NME7: variants seen among roughly 807,000 people sequenced by gnomAD.
NME7 encodes NME/NM23 family member 7, also known as nucleoside diphosphate kinase 7.
NME7 carries 41 observed loss-of-function variants against 49.1 expected under a neutral mutation model. The observed-to-expected ratio is 0.83, with a 90% CI of 0.65 to 1.08. The LOEUF is 1.08. NME7 is among the 50% of genes least tolerant of loss of function. The pLI, the probability that NME7 is intolerant of heterozygous loss-of-function variation, is 0.00. For synonymous variants in NME7, 139 were observed against 150.6 expected (o/e 0.92, Z 0.56); for missense variants, 423 against 463.4 (o/e 0.91, Z 0.80).
chr1:169,287,977 A>G (rs1440351080), intron 6 of NME7, among the ~76,000 whole-genome samples: 6 of 152,132 alleles, frequency 3.9e-5, no homozygotes, highest in Non-Finnish European at 8.8e-5. Flanking sequence ...CAACAATTTG[A>G]ACTAGCCACA....
At chr1:169,235,227 A>C in intron 8 of NME7, 28 bp from the exon 9 acceptor site, 1 of 1,271,154 alleles carries the variant, frequency 7.9e-7, no homozygotes, top group Non-Finnish European at 1.1e-6. Flanking sequence ...ACAAAACAAA[A>C]CCATAAACCA....
chr1:169,276,214 G>A (rs1308953674), intron 7 of NME7, among the ~76,000 whole-genome samples: 2 of 133,904 alleles, frequency 1.5e-5, no homozygotes, highest in African/African-American at 5.1e-5. Context: ...AATGAGTTAG[G>A]GAGGATTCCC....
intron 1 of NME7, among the ~76,000 whole-genome samples, chr1:169,335,858 G>A (rs1326892188): frequency 2.6e-5 from 4 of 151,230 alleles, no homozygotes; most frequent in African/African-American, 7.3e-5. Context: ...CAAGCCAGCT[G>A]CTTCCAGTAA....
intron 10 of NME7, among the ~76,000 whole-genome samples, chr1:169,214,854 G>A (rs1660931868): frequency 6.6e-6 from 1 of 152,248 alleles, no homozygotes; most frequent in South Asian, 2.1e-4. Context: ...CAAGACCCCA[G>A]AGGGTGTGTT....
At chr1:169,215,080 TA>T (rs768183919) in intron 10 of NME7, among the ~76,000 whole-genome samples, 4 of 152,186 alleles carry the variant, frequency 2.6e-5, no homozygotes, top group Non-Finnish European at 4.4e-5. Context: ...TGAATGCGGA[TA>T]ATTTCACTGA....
At chr1:169,200,397 G>C (rs10800412) in intron 10 of NME7, among the ~76,000 whole-genome samples, 56,356 of 151,898 alleles carry the variant, frequency 0.37, 11,029 homozygotes, top group East Asian at 0.73. Context: ...TAGCCAGTGA[G>C]GGTAAGAGAC....
At chr1:169,321,182 A>T (rs1651839255) in intron 3 of NME7, among the ~76,000 whole-genome samples, 1 of 152,168 alleles carries the variant, frequency 6.6e-6, no homozygotes. Flanking sequence ...AAGAAGGCCA[A>T]ACTCCATCTC....
chr1:169,296,747 A>T (rs1384044520), intron 6 of NME7, among the ~76,000 whole-genome samples: 1 of 140,092 alleles, frequency 7.1e-6, no homozygotes, highest in East Asian at 1.9e-4. Context: ...CCTTCTGATA[A>T]TCAGGCTAAG....
At chr1:169,340,321 G>A (rs1557829865) in intron 1 of NME7, among the ~76,000 whole-genome samples, 1 of 152,182 alleles carries the variant, frequency 6.6e-6, no homozygotes, top group Non-Finnish European at 1.5e-5. Context: ...GCCTTGTGAG[G>A]AAGATGCCTG....
intron 10 of NME7, among the ~76,000 whole-genome samples, chr1:169,182,052 G>A (rs1199384568): frequency 6.6e-6 from 1 of 151,730 alleles, no homozygotes; most frequent in Non-Finnish European, 1.5e-5. Flanking sequence ...TGAGTTGCAG[G>A]CTGGACTATA....
intron 10 of NME7, among the ~76,000 whole-genome samples, chr1:169,223,782 T>TAGAG (rs758112806): frequency 4.0e-5 from 6 of 150,286 alleles, no homozygotes; most frequent in African/African-American, 1.5e-4. Context: ...TGCATATATA[T>TAGAG]ATATAGAGAG....
At position 169,264,523 on chromosome 1, in the gene NME7, T is replaced by A. The variant is rs1339935295; in HGVS notation, c.754+22780A>T. Among the ~76,000 whole-genome samples, 2 of 132,972 alleles carry A rather than the reference T, an allele frequency of 1.5e-5. 1 individual carries two copies. Among genetic ancestry groups the A allele is most frequent in the Admixed American group, 1.5e-4 (2 of 13,644 alleles). The allele number at this position is 132,972 out of a possible 152,430, so 87.2% of individuals were successfully genotyped here. A position where few individuals can be genotyped will look rare whatever the true frequency, so the allele number is the denominator to read the frequency against. On this transcript the variant is annotated intron_variant, in intron 7 of 11. Transcript: ENST00000367811. ...AATGACATTACATAATGGTAAAGGG[T>A]CCAATTCAACAATTCTTAAATCCTA...
chr1:169,232,563 G>T (rs941088264), intron 9 of NME7, among the ~76,000 whole-genome samples: 5 of 151,772 alleles, frequency 3.3e-5, no homozygotes, highest in South Asian at 2.1e-4. Context: ...TGTTGGGGGG[G>T]GGGCAGGGGA....
At chr1:169,319,028 A>AT (rs1296148358) in intron 3 of NME7, among the ~76,000 whole-genome samples, 5 of 149,624 alleles carry the variant, frequency 3.3e-5, no homozygotes, top group South Asian at 2.1e-4. Flanking sequence ...ATTAAATTTA[A>AT]TTTAATTTTA....
chr1:169,182,251 G>C (rs535555936), intron 10 of NME7, among the ~76,000 whole-genome samples: 1 of 151,694 alleles, frequency 6.6e-6, no homozygotes, highest in South Asian at 2.1e-4. Flanking sequence ...CCTGGCCTCA[G>C]AGATCTCCTG....
At chr1:169,297,403 G>A (rs375583289) in intron 6 of NME7, among the ~76,000 whole-genome samples, 76 of 152,108 alleles carry the variant, frequency 5.0e-4, no homozygotes, top group African/African-American at 1.7e-3. Flanking sequence ...GTACTACTAC[G>A]GCCTATAAGA....
At chr1:169,156,978 C>A (rs1443698150) in intron 11 of NME7, among the ~76,000 whole-genome samples, 1 of 152,236 alleles carries the variant, frequency 6.6e-6, no homozygotes, top group Non-Finnish European at 1.5e-5. Context: ...CATTCGCTTT[C>A]CACATGCACA....
intron 7 of NME7, among the ~76,000 whole-genome samples, chr1:169,243,939 C>A (rs917242383): frequency 3.3e-5 from 5 of 151,978 alleles, no homozygotes; most frequent in Non-Finnish European, 5.9e-5. Flanking sequence ...GAATTTCAAA[C>A]CCAGTTTTGC....
chr1:169,147,084 G>A (rs924920394), intron 11 of NME7, among the ~76,000 whole-genome samples: 2 of 152,076 alleles, frequency 1.3e-5, no homozygotes, highest in African/African-American at 4.8e-5. Flanking sequence ...AGAACTCAAA[G>A]GCCTCTTGCT....
Sources: gnomAD v4.1 joint callset for allele counts (sites outside exome capture counted in the v4.1 genomes callset) on GRCh38, gnomAD v4.1.1 for gene constraint, MANE v1.5 for transcripts, NCBI Gene and HGNC (gene_info 2026-07-23, HGNC 2026-07-21) for gene names.